IKBKE: variants seen among roughly 807,000 people sequenced by gnomAD.
IKBKE encodes inhibitor of nuclear factor kappa-B kinase subunit epsilon.
IKBKE carries 45 observed loss-of-function variants against 92.1 expected under a neutral mutation model. That is an observed-to-expected ratio of 0.49 (90% CI 0.38 to 0.63). IKBKE has a LOEUF of 0.63. Ranked by LOEUF, IKBKE falls within the 20% of genes least tolerant of loss-of-function variation. The pLI, the probability that IKBKE is intolerant of heterozygous loss-of-function variation, is 0.00. For synonymous variants in IKBKE, 374 were observed against 380.3 expected (o/e 0.98, Z 0.19); for missense variants, 700 against 932.8 (o/e 0.75, Z 3.25).
Position 206,491,675 on chromosome 1 carries a change from A to G in IKBKE, c.1761A>G (p.Arg587=), listed in dbSNP as rs1553390414. ...TGAATTTCAGTCATTTAGCCAAAAG[A>G]CTCCTGCAGGTGTTCCAGGAGGAGT... ...DKVNFSHLAK[R]LLQVFQEECV... Residue 587 remains arginine (R), a synonymous_variant, in exon 18 of 22, where the codon AGA becomes AGG. Coordinates refer to ENST00000581977, the MANE Select transcript of IKBKE (RefSeq NM_014002.4). 2 of 1,612,900 alleles carry G rather than the reference A, an allele frequency of 1.2e-6. No homozygotes were observed. Among genetic ancestry groups the G allele is most frequent in the South Asian group, 2.2e-5 (2 of 91,028 alleles).
In IKBKE at chr1:206,496,640, C is replaced by G. The variant is rs1485818832; in HGVS notation, c.*495C>G. 2.6e-5 allele frequency: 6 copies of G among 234,494 alleles called. No homozygotes were observed. The highest frequency in any genetic ancestry group is 1.3e-4 in the African/African-American group (6 of 45,416). The allele number at this position is 234,494 out of a possible 1,614,324, so 14.5% of individuals were successfully genotyped here. A position where few individuals can be genotyped will look rare whatever the true frequency, so the allele number is the denominator to read the frequency against. ...AGCTCTCTCCGCTCCCTTGTGATTT[C>G]TGAGGGTCACCACTGCCAGCCTCAG... On this transcript the variant is annotated 3_prime_UTR_variant, in exon 22 of 22. Coordinates refer to ENST00000581977, the MANE Select transcript of IKBKE (RefSeq NM_014002.4).
chr1:206,474,921 G>T lies in IKBKE; in HGVS notation c.285G>T (p.Leu95=). The T allele has an allele frequency of 1.2e-6, 2 of 1,614,106 alleles. No homozygotes were observed. The highest frequency in any genetic ancestry group is 8.5e-7 in the Non-Finnish European group (1 of 1,180,000). ...VMEYCSSGSL[L]SVLESPENAF... Reference sequence around the variant, plus strand: ...AGTACTGCTCCAGTGGGAGCCTGCTGAGTGTGCTGGAGAGCCCTGAGAATG... The same window carrying T: ...AGTACTGCTCCAGTGGGAGCCTGCTTAGTGTGCTGGAGAGCCCTGAGAATG... Residue 95 remains leucine, a synonymous_variant, in exon 5 of 22, where the codon CTG becomes CTT. Coordinates refer to ENST00000581977, the MANE Select transcript of IKBKE (RefSeq NM_014002.4).
chr1:206,478,154 G>A lies in IKBKE; in HGVS notation c.813-6G>A. On this transcript the variant is annotated splice_polypyrimidine_tract_variant and splice_region_variant and intron_variant, in intron 8 of 21. Transcript: ENST00000581977. The surrounding 1 kb of genome is among the most constrained non-coding windows in gnomAD (Gnocchi z 4.8). ...CCCTGACAGTCTCCATGTCCTGGGA[G>A]GGCAGGGGGCTGCAGAGCCAGCTGG... The A allele has an allele frequency of 6.2e-7, 1 of 1,612,928 alleles. No individual in the cohort carries two copies. The highest frequency in any genetic ancestry group is 8.5e-7 in the Non-Finnish European group (1 of 1,179,794).
chr1:206,488,174 C>A (rs1041124011), intron 16 of IKBKE, among the ~76,000 whole-genome samples, 184 bp downstream of exon 16: 3 of 152,232 alleles, frequency 2.0e-5, no homozygotes, highest in African/African-American at 7.2e-5. Flanking sequence ...GGGGCAAGGC[C>A]CCTGTCTGCA....
Position 206,479,150 on chromosome 1 carries a change from G to T in IKBKE, c.1183+17G>T. 6.4e-7 allele frequency: 1 copy of T among 1,550,900 alleles called. No homozygotes were observed. The highest frequency in any genetic ancestry group is 8.7e-7 in the Non-Finnish European group (1 of 1,148,938). On this transcript the variant is annotated intron_variant, in intron 10 of 21. Coordinates refer to ENST00000581977, the MANE Select transcript of IKBKE (RefSeq NM_014002.4). Reference sequence around the variant, plus strand: ...TCAGGGACCGTGAGTAGAGCCACCTGGGCTGGATCTTTCTCCTCCCCACAT... The same window carrying T: ...TCAGGGACCGTGAGTAGAGCCACCTTGGCTGGATCTTTCTCCTCCCCACAT...
chr1:206,482,476 T>C (rs1417894099), intron 13 of IKBKE, among the ~76,000 whole-genome samples: 2 of 152,228 alleles, frequency 1.3e-5, no homozygotes, highest in African/African-American at 4.8e-5. Flanking sequence ...CCTGGCATCC[T>C]GGTGTCCGCT....
rs1665045414 is a variant in IKBKE at position 206,476,053 on chromosome 1, ATGGCTCTGTCAGCCCATGGGAACTCC to A, written c.359-125_359-100del. ...ATGTCTCTGTCCTTCTGCCTGTCCC[ATGGCTCTGTCAGCCCATGGGAACTCC>A]TGTCTCTCTGGATGCAAGGACAGCC... is the stretch of plus-strand genomic sequence containing the variant. On this transcript the variant is annotated intron_variant, in intron 5 of 21. Transcript: ENST00000581977. This position sits in a 1 kb window ranked among gnomAD's most constrained non-coding sequence, Gnocchi z 5.1. 1 of 815,380 alleles carries A rather than the reference ATGGCTCTGTCAGCCCATGGGAACTCC, an allele frequency of 1.2e-6. No homozygotes were observed. Among genetic ancestry groups the A allele is most frequent in the Non-Finnish European group, 2.0e-6 (1 of 499,384 alleles). 50.5% of individuals were successfully genotyped at this position (815,380 alleles called of 1,614,324 possible). A position where few individuals can be genotyped will look rare whatever the true frequency, so the allele number is the denominator to read the frequency against.
chr1:206,473,153 G>C, intron 2 of IKBKE, 43 bp from the exon 3 acceptor site: 1 of 1,231,944 alleles, frequency 8.1e-7, no homozygotes, highest in Non-Finnish European at 1.2e-6. Context: ...GCCACCCTGT[G>C]CCAGGAATGG....
chr1:206,478,377 C>A lies in IKBKE; in HGVS notation c.992+38C>A, dbSNP rs782182920. On this transcript the variant is annotated intron_variant, in intron 9 of 21. Coordinates refer to ENST00000581977, the MANE Select transcript of IKBKE (RefSeq NM_014002.4). The surrounding 1 kb of genome is among the most constrained non-coding windows in gnomAD (Gnocchi z 4.8). ...GAGGGAGGGAAGCGGTGAGAACCTT[C>A]TCTACCCAAGCAGCAGTGCATGTCC... The A allele has an allele frequency of 6.3e-7, 1 of 1,595,140 alleles. No individual in the cohort carries two copies. Among genetic ancestry groups the A allele is most frequent in the South Asian group, 1.1e-5 (1 of 90,814 alleles).
rs1272378010 is a variant in IKBKE, at chr1:206,496,467, C to T, written c.*322C>T. On this transcript the variant is annotated 3_prime_UTR_variant, in exon 22 of 22. Transcript: ENST00000581977. The stretch of plus-strand genomic sequence containing the variant: ...ATGGCTGGGCCGTGGGGAGAAGAAG[C>T]TCTCATACGCCTTCCCACTCCCTCT... 5.1e-6 allele frequency: 2 copies of T among 391,098 alleles called. No individual in the cohort carries two copies. Among genetic ancestry groups the T allele is most frequent in the Non-Finnish European group, 9.4e-6 (2 of 213,394 alleles). The allele number at this position is 391,098 out of a possible 1,614,324, so 24.2% of individuals were successfully genotyped here.
rs1410805601 is a variant in IKBKE, at chr1:206,470,634, A to T, written c.-187A>T. On this transcript the variant is annotated 5_prime_UTR_variant, in exon 1 of 22. Coordinates refer to ENST00000581977, the MANE Select transcript of IKBKE (RefSeq NM_014002.4). ...AGAACACTGCTCATGAATGACAGTGAGCCCTGAAAGCTCTGGGGGTGTCAC... is the reference window on the plus strand; with the variant it reads ...AGAACACTGCTCATGAATGACAGTGTGCCCTGAAAGCTCTGGGGGTGTCAC... The T allele has an allele frequency of 1.3e-5, 2 of 152,122 alleles. No homozygotes were observed. Among genetic ancestry groups the T allele is most frequent in the African/African-American group, 4.8e-5 (2 of 41,366 alleles). 9.4% of individuals were successfully genotyped at this position (152,122 alleles called of 1,614,324 possible).
chr1:206,480,609 A>C, intron 13 of IKBKE, 76 bp downstream of exon 13: 8 of 992,056 alleles, frequency 8.1e-6, no homozygotes, highest in South Asian at 1.4e-5. Context: ...ACTTCCAACA[A>C]TGCACCTCTT....
In IKBKE at chr1:206,476,643, C is replaced by T. The variant is rs781800689; in HGVS notation, c.541-35C>T. ...AGGTCTCAGGCCCTTGCCAGCCCTC[C>T]GGCTCCATGGCCTCATTCTGGTTCT... On this transcript the variant is annotated intron_variant, in intron 6 of 21. Transcript: ENST00000581977. This position sits in a 1 kb window ranked among gnomAD's most constrained non-coding sequence, Gnocchi z 5.1. 3.0e-5 allele frequency: 49 copies of T among 1,612,782 alleles called. No individual in the cohort carries two copies. The highest frequency in any genetic ancestry group is 1.6e-4 in the East Asian group (7 of 44,882).
At position 206,493,299 on chromosome 1, in the gene IKBKE, G is replaced by A. The variant is rs782028724; in HGVS notation, c.1966G>A (p.Asp656Asn). The change falls in exon 20 of 22, where the codon GAC (aspartate) becomes AAC (asparagine). Residue 656 changes from aspartate (D) to asparagine (N), a missense_variant. Transcript: ENST00000581977. The stretch of plus-strand genomic sequence containing the variant: ...AGAGCTATCTCACCAGCTCCTTCAG[G>A]ACCGAGCAAAGGGGGCTCAGGCCTC... ...LEELSHQLLQ[D>N]RAKGAQASPP... The A allele has an allele frequency of 6.2e-7, 1 of 1,613,980 alleles. No homozygotes were observed. The highest frequency in any genetic ancestry group is 1.3e-5 in the African/African-American group (1 of 74,938).
chr1:206,471,555 T>C lies in IKBKE; in HGVS notation c.-33+310T>C, dbSNP rs530998349. On this transcript the variant is annotated intron_variant, in intron 2 of 21. Coordinates refer to ENST00000581977, the MANE Select transcript of IKBKE (RefSeq NM_014002.4). Reference sequence around the variant, plus strand: ...AGTCCTGAGCTGTTCCTTGCCCCAGTATCAGAGCCCTTGGCCTTGATTTCA... The same window carrying C: ...AGTCCTGAGCTGTTCCTTGCCCCAGCATCAGAGCCCTTGGCCTTGATTTCA... Among the ~76,000 whole-genome samples the C allele has an allele frequency of 2.6e-5, 4 of 152,316 alleles. No homozygotes were observed. The East Asian group carries it at 7.7e-4, about 29-fold the overall frequency.
Position 206,476,949 on chromosome 1 carries a change from G to A in IKBKE, c.701+111G>A. The A allele has an allele frequency of 8.4e-7, 1 of 1,184,612 alleles. No homozygotes were observed. The highest frequency in any genetic ancestry group is 1.2e-6 in the Non-Finnish European group (1 of 833,408). The allele number at this position is 1,184,612 out of a possible 1,614,324, so 73.4% of individuals were successfully genotyped here. ...CCCTCACACTCCATGGCCCTCCTCT[G>A]GTCCACCCCCCAACCCAGGCTCTTT... On this transcript the variant is annotated intron_variant, in intron 7 of 21. Coordinates refer to ENST00000581977, the MANE Select transcript of IKBKE (RefSeq NM_014002.4). The surrounding 1 kb of genome is among the most constrained non-coding windows in gnomAD (Gnocchi z 5.1).
At chr1:206,471,730 C>T (rs1003758102) in intron 2 of IKBKE, among the ~76,000 whole-genome samples, 12 of 152,280 alleles carry the variant, frequency 7.9e-5, no homozygotes, top group East Asian at 7.7e-4. Flanking sequence ...GTGTAATGTC[C>T]GCTCCTACCT....
At position 206,478,051 on chromosome 1, in the gene IKBKE, TCTTG is replaced by T; in HGVS notation, c.813-108_813-105del. ...CTCCCCAACCCACCCTGCCCCACCA[TCTTG>T]GTCCTAGCTCTTCAGGATATTCTCT... On this transcript the variant is annotated intron_variant, in intron 8 of 21. Transcript: ENST00000581977. The surrounding 1 kb of genome is among the most constrained non-coding windows in gnomAD (Gnocchi z 4.8). The T allele has an allele frequency of 2.1e-6, 1 of 474,890 alleles. No homozygotes were observed. The highest frequency in any genetic ancestry group is 4.0e-6 in the Non-Finnish European group (1 of 249,218). The allele number at this position is 474,890 out of a possible 1,614,324, so 29.4% of individuals were successfully genotyped here.
At chr1:206,492,994 A>G in intron 18 of IKBKE, 29 bp from the exon 19 acceptor site, 1 of 1,544,428 alleles carries the variant, frequency 6.5e-7, no homozygotes, top group Non-Finnish European at 8.8e-7. Flanking sequence ...GTCCTGCTCT[A>G]ATTCTAAGTC....
Sources: gnomAD v4.1 joint callset for allele counts (sites outside exome capture counted in the v4.1 genomes callset) on GRCh38, gnomAD v4.1.1 for gene constraint, Gnocchi (gnomAD v3.1) non-coding constraint, MANE v1.5 for transcripts, NCBI Gene and HGNC (gene_info 2026-07-23, HGNC 2026-07-21) for gene names.